The following POLR3B variants were observed in gnomAD, a reference collection of about 807,000 sequenced individuals.
The protein encoded by POLR3B is RNA polymerase III subunit B, also known as DNA-directed RNA polymerase III subunit RPC2.
In POLR3B, 96 loss-of-function variants were observed where a neutral mutation model predicts 147.4. The observed-to-expected ratio is 0.65, with a 90% CI of 0.55 to 0.77. The LOEUF is 0.77. POLR3B is among the 30% of genes least tolerant of loss of function. The pLI is 0.00. For missense variants in POLR3B, 1,036 were observed against 1,413.5 expected (o/e 0.73, Z 4.28); for synonymous variants, 461 against 485.9 (o/e 0.95, Z 0.67).
chr12:106,400,108 A>G (rs1490458389), intron 10 of POLR3B, among the ~76,000 whole-genome samples: 1 of 152,242 alleles, frequency 6.6e-6, no homozygotes, highest in Non-Finnish European at 1.5e-5. Context: ...GCAGAGACAC[A>G]CATAGGCTCA....
In POLR3B at chr12:106,357,945, T is replaced by G; in HGVS notation, c.66T>G (p.Thr22=). ...TPEQLAAPIP[T]VEEKWRLLPA... The stretch of plus-strand genomic sequence containing the variant: ...AGCAGCTGGCGGCGCCGATCCCGAC[T>G]GTAGAGGTCAGTGCCAGGCACGCAG... The change falls in exon 1 of 28, where the codon ACT becomes ACG. Residue 22 remains threonine (T), a synonymous_variant. Transcript: ENST00000228347. 1.2e-6 allele frequency: 2 copies of G among 1,612,866 alleles called. No homozygotes were observed. The highest frequency in any genetic ancestry group is 1.7e-6 in the Non-Finnish European group (2 of 1,179,922).
intron 25 of POLR3B, among the ~76,000 whole-genome samples, chr12:106,498,693 C>T (rs2038542473): frequency 6.6e-6 from 1 of 151,446 alleles, no homozygotes; most frequent in African/African-American, 2.4e-5. Flanking sequence ...TCAAGCAATT[C>T]TCCTGCCTCA....
intron 10 of POLR3B, among the ~76,000 whole-genome samples, chr12:106,399,567 C>T (rs184916633): frequency 6.6e-6 from 1 of 152,152 alleles, no homozygotes; most frequent in Non-Finnish European, 1.5e-5. Flanking sequence ...ATGTTAAGGG[C>T]AGCCAGGGAG....
intron 12 of POLR3B, among the ~76,000 whole-genome samples, chr12:106,412,953 T>A (rs931366288): frequency 2.0e-5 from 3 of 152,200 alleles, no homozygotes; most frequent in Non-Finnish European, 4.4e-5. Flanking sequence ...GAAATGTCTA[T>A]TCAAGTCCTT....
intron 19 of POLR3B, among the ~76,000 whole-genome samples, chr12:106,451,643 G>T (rs1412731457): frequency 7.7e-6 from 1 of 130,290 alleles, no homozygotes; most frequent in Non-Finnish European, 1.6e-5. Context: ...CGGGGGGGGA[G>T]GAGAGGGGAG....
At position 106,509,750 on chromosome 12, in the gene POLR3B, G is replaced by A. The variant is rs2038746416; in HGVS notation, c.*201G>A. On this transcript the variant is annotated 3_prime_UTR_variant, in exon 28 of 28. Transcript: ENST00000228347. ...TTGATCATTGAGCCTCGAGCCATGG[G>A]AGAGATGCTGACCATGTGGACTGCA... 2.0e-6 allele frequency: 1 copy of A among 505,736 alleles called. No individual in the cohort carries two copies. Among genetic ancestry groups the A allele is most frequent in the Non-Finnish European group, 3.6e-6 (1 of 277,092 alleles). The allele number at this position is 505,736 out of a possible 1,614,324, so 31.3% of individuals were successfully genotyped here. A position where few individuals can be genotyped will look rare whatever the true frequency, so the allele number is the denominator to read the frequency against.
intron 25 of POLR3B, 137 bp downstream of exon 25, chr12:106,497,055 C>A: frequency 1.2e-6 from 1 of 807,718 alleles, no homozygotes; most frequent in Non-Finnish European, 2.1e-6. Flanking sequence ...TGGCCCAGGA[C>A]GGCTTCGAAT....
At chr12:106,480,068 G>A (rs1332294136) in intron 23 of POLR3B, among the ~76,000 whole-genome samples, 1 of 151,274 alleles carries the variant, frequency 6.6e-6, no homozygotes, top group South Asian at 2.1e-4. Context: ...ACCCAGGCTG[G>A]TCTCGAACTT....
chr12:106,496,231 G>A, intron 24 of POLR3B, 73 bp downstream of exon 24: 1 of 938,868 alleles, frequency 1.1e-6, no homozygotes, highest in Middle Eastern at 2.1e-4. Context: ...GTTAGAGTGA[G>A]TGGAGGTGAC....
chr12:106,479,677 C>G (rs1041780802), intron 23 of POLR3B, among the ~76,000 whole-genome samples: 1 of 152,100 alleles, frequency 6.6e-6, no homozygotes, highest in African/African-American at 2.4e-5. Context: ...GCCAGCGCAC[C>G]CAGCCTATTC....
At chr12:106,486,375 G>A (rs2038340327) in intron 23 of POLR3B, among the ~76,000 whole-genome samples, 1 of 151,460 alleles carries the variant, frequency 6.6e-6, no homozygotes, top group Non-Finnish European at 1.5e-5. Flanking sequence ...CTTGGTGCTG[G>A]CAGAGCCCAC....
At chr12:106,420,833 A>C (rs2037364655) in intron 12 of POLR3B, among the ~76,000 whole-genome samples, 1 of 152,186 alleles carries the variant, frequency 6.6e-6, no homozygotes, top group Non-Finnish European at 1.5e-5. Flanking sequence ...CCTCAAGGCC[A>C]CTACTCAACA....
chr12:106,415,560 A>G (rs1487822827), intron 12 of POLR3B, among the ~76,000 whole-genome samples: 1 of 152,188 alleles, frequency 6.6e-6, no homozygotes, highest in African/African-American at 2.4e-5. Flanking sequence ...AGTCCCCTGG[A>G]ATTTTCCCAG....
At chr12:106,372,050 T>C (rs983605647) in intron 6 of POLR3B, among the ~76,000 whole-genome samples, 2 of 152,216 alleles carry the variant, frequency 1.3e-5, no homozygotes, top group Admixed American at 6.5e-5. Flanking sequence ...TCCGCATTCA[T>C]AAAAAAGACC....
At position 106,445,646 on chromosome 12, in the gene POLR3B, A is replaced by G. The variant is rs1022086627; in HGVS notation, c.2083+1056A>G. On this transcript the variant is annotated intron_variant, in intron 19 of 27. Coordinates refer to ENST00000228347, the MANE Select transcript of POLR3B (RefSeq NM_018082.6). ...GCTTTTTGAAATGTTTTAAAAAATCATTTAAATCCTAATATATTTAGTAAA... is the reference window on the plus strand; with the variant it reads ...GCTTTTTGAAATGTTTTAAAAAATCGTTTAAATCCTAATATATTTAGTAAA... Among the ~76,000 whole-genome samples, 11 of 152,348 alleles carry G rather than the reference A, an allele frequency of 7.2e-5. No homozygotes were observed. The East Asian group carries it at 7.7e-4, about 11-fold the overall frequency.
chr12:106,501,504 G>T (rs1592781173), intron 26 of POLR3B, 68 bp downstream of exon 26: 1 of 981,928 alleles, frequency 1.0e-6, no homozygotes. Context: ...TTCCAGATAT[G>T]GCAAAAAGCA....
intron 10 of POLR3B, among the ~76,000 whole-genome samples, chr12:106,397,130 A>G (rs1565883329): frequency 6.6e-6 from 1 of 152,056 alleles, no homozygotes; most frequent in African/African-American, 2.4e-5. Context: ...GTCTCAAAAA[A>G]AAAAAAAAGC....
intron 2 of POLR3B, among the ~76,000 whole-genome samples, chr12:106,365,441 A>G (rs1254857086): frequency 6.6e-6 from 1 of 152,100 alleles, no homozygotes. Context: ...GCTGGATTTG[A>G]ACTCCTGAGT....
chr12:106,436,911 A>G lies in POLR3B; in HGVS notation c.1782-146A>G, dbSNP rs1005749486. ...ATAGTCCCCTACACCATGCTCATCCATACAAAAATTACCTGGTGTCCTCAG... is the reference window on the plus strand; with the variant it reads ...ATAGTCCCCTACACCATGCTCATCCGTACAAAAATTACCTGGTGTCCTCAG... On this transcript the variant is annotated intron_variant, in intron 16 of 27. Coordinates refer to ENST00000228347, the MANE Select transcript of POLR3B (RefSeq NM_018082.6). 1.8e-5 allele frequency: 13 copies of G among 704,206 alleles called. 1 individual carries two copies. Among genetic ancestry groups the G allele is most frequent in the South Asian group, 1.5e-4 (10 of 65,596 alleles). The allele number at this position is 704,206 out of a possible 1,614,324, so 43.6% of individuals were successfully genotyped here.
Sources: gnomAD v4.1 joint callset for allele counts (sites outside exome capture counted in the v4.1 genomes callset) on GRCh38, gnomAD v4.1.1 for gene constraint, MANE v1.5 for transcripts, NCBI Gene and HGNC (gene_info 2026-07-23, HGNC 2026-07-21) for gene names.